PIWIL1: variants seen among roughly 807,000 people sequenced by gnomAD.
PIWIL1 encodes piwi like RNA-mediated gene silencing 1.
A neutral mutation model predicts 114.4 loss-of-function variants in PIWIL1; 73 were observed. The observed-to-expected ratio is 0.64, with a 90% CI of 0.53 to 0.78. The LOEUF (loss-of-function observed/expected upper bound fraction) is 0.78, where lower values mean the gene tolerates loss of function less well. Among genes scored for constraint, PIWIL1 ranks in the 30% least tolerant of loss-of-function variants. The pLI is 0.00. For synonymous variants in PIWIL1, 375 were observed against 369.0 expected (o/e 1.02, Z -0.19); for missense variants, 723 against 1,063.1 (o/e 0.68, Z 4.45).
the PIWIL1 span, among the ~76,000 whole-genome samples, chr12:130,413,765 C>T: frequency 6.6e-6 from 1 of 152,042 alleles, no homozygotes; most frequent in Non-Finnish European, 1.5e-5. Context: ...CCCTTTTTCC[C>T]TCCCTTTCCC....
At chr12:130,418,382 C>T in the PIWIL1 span, among the ~76,000 whole-genome samples, 3 of 152,178 alleles carry the variant, frequency 2.0e-5, no homozygotes, top group African/African-American at 4.8e-5. Context: ...ATGTGAAGCG[C>T]TCCATGGCCT....
downstream of PIWIL1, among the ~76,000 whole-genome samples, chr12:130,374,257 A>G (rs1057061600): frequency 6.6e-6 from 1 of 152,214 alleles, no homozygotes; most frequent in Admixed American, 6.5e-5. Context: ...CTCTCTCCTC[A>G]GAGTCAAATA....
chr12:130,409,108 TC>T, the PIWIL1 span, among the ~76,000 whole-genome samples: 1 of 152,172 alleles, frequency 6.6e-6, no homozygotes, highest in African/African-American at 2.4e-5. Context: ...TACATGTACT[TC>T]TCACTGAAGT....
rs535166909 is a variant in PIWIL1 at position 130,338,210 on chromosome 12, T to G, written c.-13+64T>G. On this transcript the variant is annotated intron_variant, in intron 1 of 20. Transcript: ENST00000245255. ...GGGATGCGGGGGCGGCGGCTGGGGG[T>G]CCGGGATGTGGAGGTGAGGCTCGAG... The G allele has an allele frequency of 1.3e-3, 197 of 157,436 alleles. 2 individuals are homozygous for G. Among genetic ancestry groups the G allele is most frequent in the South Asian group, 5.6e-3 (100 of 17,826 alleles). 9.8% of individuals were successfully genotyped at this position (157,436 alleles called of 1,614,324 possible).
intron 9 of PIWIL1, among the ~76,000 whole-genome samples, chr12:130,353,349 T>G (rs924290057): frequency 6.7e-6 from 1 of 148,564 alleles, no homozygotes; most frequent in South Asian, 2.2e-4. Flanking sequence ...AGTGGAGGTG[T>G]GTGGTTTGTT....
chr12:130,363,612 CTTTTTTTTTTT>C (rs34198016), intron 18 of PIWIL1, among the ~76,000 whole-genome samples: 3 of 82,382 alleles, frequency 3.6e-5, no homozygotes, highest in East Asian at 4.5e-4. Flanking sequence ...TACTTTCTCC[CTTTTTTTTTTT>C]TTTTTTTTTT....
At chr12:130,342,180 G>GTC (rs550134701) in intron 1 of PIWIL1, 5 of 182,712 alleles carry the variant, frequency 2.7e-5, no homozygotes, top group South Asian at 2.5e-4. Flanking sequence ...GTGTGTGTGT[G>GTC]TGTGTGTGTG....
the PIWIL1 span, among the ~76,000 whole-genome samples, chr12:130,423,267 C>T: frequency 4.7e-4 from 71 of 152,212 alleles, no homozygotes; most frequent in African/African-American, 1.4e-3. Context: ...GAAGGGAGTC[C>T]GGGGATGAGG....
At chr12:130,394,525 A>C in the PIWIL1 span, among the ~76,000 whole-genome samples, 2 of 152,210 alleles carry the variant, frequency 1.3e-5, no homozygotes, top group Non-Finnish European at 1.5e-5. Flanking sequence ...TTTTCCCAAA[A>C]GCTTCCAATA....
chr12:130,389,264 T>A, the PIWIL1 span, among the ~76,000 whole-genome samples: 1 of 152,096 alleles, frequency 6.6e-6, no homozygotes, highest in African/African-American at 2.4e-5. Context: ...ATTTTTTCAT[T>A]TCCTTACTAT....
At chr12:130,357,717 C>A (rs1307778608) in intron 14 of PIWIL1, among the ~76,000 whole-genome samples, 164 bp downstream of exon 14, 1 of 152,122 alleles carries the variant, frequency 6.6e-6, no homozygotes, top group South Asian at 2.1e-4. Flanking sequence ...CTAATGCTAG[C>A]TTTAGTTGTG....
the PIWIL1 span, among the ~76,000 whole-genome samples, chr12:130,408,040 G>T: frequency 7.9e-5 from 12 of 152,074 alleles, no homozygotes; most frequent in African/African-American, 2.9e-4. Flanking sequence ...CTGTAGTATG[G>T]TTTCTCCCCC....
the PIWIL1 span, chr12:130,414,018 CAGG>C: frequency 8.2e-7 from 1 of 1,216,568 alleles, no homozygotes; most frequent in Non-Finnish European, 1.2e-6. Flanking sequence ...CCATGGCCTG[CAGG>C]AGAAGGCCAT....
At chr12:130,406,721 A>C in the PIWIL1 span, among the ~76,000 whole-genome samples, 1 of 152,108 alleles carries the variant, frequency 6.6e-6, no homozygotes, top group Non-Finnish European at 1.5e-5. Flanking sequence ...ACCTCGGCCC[A>C]CTGCAACCTC....
chr12:130,407,650 G>T, the PIWIL1 span: 3 of 1,115,994 alleles, frequency 2.7e-6, no homozygotes, highest in African/African-American at 1.5e-5. Context: ...AACACACGTG[G>T]CCTCAGTGTG....
chr12:130,407,594 G>A, the PIWIL1 span: 2 of 792,052 alleles, frequency 2.5e-6, no homozygotes, highest in South Asian at 1.4e-5. Flanking sequence ...CCCTCGGATC[G>A]GCAGCCCTTC....
At chr12:130,369,582 A>G (rs930406167) in intron 19 of PIWIL1, among the ~76,000 whole-genome samples, 1 of 152,146 alleles carries the variant, frequency 6.6e-6, no homozygotes, top group Admixed American at 6.5e-5. Context: ...AATAATAGCT[A>G]TTCTGACTGG....
the PIWIL1 span, among the ~76,000 whole-genome samples, chr12:130,423,599 G>A: frequency 6.9e-6 from 1 of 145,422 alleles, no homozygotes; most frequent in African/African-American, 2.6e-5. Context: ...ATTTGTTCTG[G>A]AAACTGTGGG....
At chr12:130,393,888 G>C in the PIWIL1 span, among the ~76,000 whole-genome samples, 1 of 152,154 alleles carries the variant, frequency 6.6e-6, no homozygotes, top group East Asian at 1.9e-4. Context: ...AATATCAGCG[G>C]TTTCATGTTT....
Sources: allele counts gnomAD v4.1 joint callset (sites outside exome capture counted in the v4.1 genomes callset), GRCh38; gene constraint gnomAD v4.1.1; transcripts MANE v1.5; gene names NCBI Gene and HGNC (gene_info 2026-07-23, HGNC 2026-07-21).